GRIA1: variants seen among roughly 807,000 people sequenced by gnomAD.
The protein encoded by GRIA1 is glutamate ionotropic receptor AMPA type subunit 1, also known as glutamate receptor 1.
In GRIA1, 31 loss-of-function variants were observed where a neutral mutation model predicts 99.2. The ratio of observed to expected loss-of-function variants is 0.31; its 90% CI spans 0.23 to 0.42. GRIA1 has a LOEUF of 0.42. Ranked by LOEUF, GRIA1 falls within the 10% of genes least tolerant of loss-of-function variation. The pLI, the probability that GRIA1 is intolerant of heterozygous loss-of-function variation, is 1.00. For missense variants in GRIA1, 782 were observed against 1,157.5 expected (o/e 0.68, Z 4.71); for synonymous variants, 438 against 432.4 (o/e 1.01, Z -0.16).
chr5:153,792,085 C>T (rs1765335786), intron 13 of GRIA1, among the ~76,000 whole-genome samples: 1 of 152,134 alleles, frequency 6.6e-6, no homozygotes, highest in Admixed American at 6.5e-5. Context: ...TGAGCTAGAA[C>T]AGCACTGTAG....
intron 11 of GRIA1, among the ~76,000 whole-genome samples, chr5:153,750,947 AAAAT>A (rs1355076040): frequency 6.6e-6 from 1 of 152,144 alleles, no homozygotes; most frequent in East Asian, 1.9e-4. Flanking sequence ...AAGTACAAAA[AAAAT>A]TAGCTAGGCG....
chr5:153,624,607 C>T (rs1767402548), intron 2 of GRIA1, among the ~76,000 whole-genome samples: 1 of 152,186 alleles, frequency 6.6e-6, no homozygotes, highest in Non-Finnish European at 1.5e-5. Flanking sequence ...TCATGCTGAC[C>T]AGTGCTAAAT....
chr5:153,492,348 T>G, intron 1 of GRIA1: 1 of 1,500,404 alleles, frequency 6.7e-7, no homozygotes, highest in Non-Finnish European at 8.9e-7. Flanking sequence ...ACGCAAAACT[T>G]CCTGCCTTCA....
intron 2 of GRIA1, among the ~76,000 whole-genome samples, chr5:153,559,594 A>G (rs569452012): frequency 3.3e-5 from 5 of 152,294 alleles, no homozygotes; most frequent in Non-Finnish European, 7.4e-5. Context: ...ACATGACTGT[A>G]TGTGCTATAC....
intron 8 of GRIA1, among the ~76,000 whole-genome samples, chr5:153,688,509 C>G (rs1194664393): frequency 1.3e-5 from 2 of 152,136 alleles, no homozygotes; most frequent in Non-Finnish European, 1.5e-5. Flanking sequence ...TGCATTAGCG[C>G]CTGATCACTG....
intron 5 of GRIA1, among the ~76,000 whole-genome samples, chr5:153,657,192 A>C (rs1208962043): frequency 6.6e-6 from 1 of 152,184 alleles, no homozygotes; most frequent in Non-Finnish European, 1.5e-5. Flanking sequence ...TTTCACTTTA[A>C]TATATACCTA....
At chr5:153,494,809 A>T (rs553848332) in intron 2 of GRIA1, among the ~76,000 whole-genome samples, 3 of 152,374 alleles carry the variant, frequency 2.0e-5, no homozygotes, top group African/African-American at 7.2e-5. Flanking sequence ...AGATGAAAGC[A>T]TAAAAATTAA....
At chr5:153,806,992 C>G (rs908695294) in intron 15 of GRIA1, among the ~76,000 whole-genome samples, 1 of 152,222 alleles carries the variant, frequency 6.6e-6, no homozygotes, top group Non-Finnish European at 1.5e-5. Context: ...CCTCCTTCAA[C>G]CACATGGCAA....
intron 2 of GRIA1, among the ~76,000 whole-genome samples, chr5:153,565,298 G>A (rs991234231): frequency 2.0e-5 from 3 of 152,034 alleles, no homozygotes; most frequent in Admixed American, 6.6e-5. Flanking sequence ...CTCCCATGTC[G>A]TTATACTTCC....
At chr5:153,580,525 T>A (rs1762955090) in intron 2 of GRIA1, among the ~76,000 whole-genome samples, 1 of 152,198 alleles carries the variant, frequency 6.6e-6, no homozygotes, top group Non-Finnish European at 1.5e-5. Flanking sequence ...TAATCAAGTG[T>A]CTGCCTTAGA....
At chr5:153,605,842 G>A (rs1024235192) in intron 2 of GRIA1, among the ~76,000 whole-genome samples, 8 of 152,128 alleles carry the variant, frequency 5.3e-5, no homozygotes, top group Non-Finnish European at 8.8e-5. Context: ...TTCTAAATGT[G>A]AGCCTTCAGT....
At chr5:153,722,410 G>T (rs183208884) in intron 11 of GRIA1, among the ~76,000 whole-genome samples, 6 of 152,188 alleles carry the variant, frequency 3.9e-5, no homozygotes, top group Admixed American at 3.3e-4. Context: ...AAGTCATAAA[G>T]ATATTCTTTT....
At position 153,690,007 on chromosome 5, in the gene GRIA1, C is replaced by T. The variant is rs144798523; in HGVS notation, c.1134+3678C>T. On this transcript the variant is annotated intron_variant, in intron 8 of 15. Coordinates refer to ENST00000285900, the MANE Select transcript of GRIA1 (RefSeq NM_000827.4). ...CAAGAACTTCTCAGAAGTGGAGGCA[C>T]TGTAGCAAGATTAATGGTTCTCAAG... 9.4e-3 allele frequency among the ~76,000 whole-genome samples: 1,434 copies of T among 152,188 alleles called. 21 individuals carry two copies. Among genetic ancestry groups the T allele is most frequent in the African/African-American group, 0.033 (1,365 of 41,504 alleles).
At chr5:153,697,717 A>G (rs1457046093) in intron 8 of GRIA1, among the ~76,000 whole-genome samples, 3 of 152,166 alleles carry the variant, frequency 2.0e-5, no homozygotes, top group African/African-American at 7.2e-5. Context: ...CCCTGTGAAC[A>G]ACTGCAGGGA....
At chr5:153,635,912 C>T (rs1055038310) in intron 2 of GRIA1, among the ~76,000 whole-genome samples, 4 of 152,216 alleles carry the variant, frequency 2.6e-5, no homozygotes, top group African/African-American at 7.2e-5. Context: ...CCAAAGCTGG[C>T]CGGTGCTAAG....
intron 15 of GRIA1, 114 bp from the exon 16 acceptor site, chr5:153,810,911 A>C: frequency 1.3e-6 from 1 of 755,792 alleles, no homozygotes; most frequent in African/African-American, 1.7e-5. Flanking sequence ...AGAATAGGAA[A>C]GGGGGTGGAT....
intron 5 of GRIA1, among the ~76,000 whole-genome samples, chr5:153,656,947 A>G (rs1197948126): frequency 2.0e-5 from 3 of 152,224 alleles, no homozygotes; most frequent in African/African-American, 7.2e-5. Context: ...TATATGTGAA[A>G]TCATACAATA....
At chr5:153,621,648 A>G (rs189445730) in intron 2 of GRIA1, among the ~76,000 whole-genome samples, 1 of 152,288 alleles carries the variant, frequency 6.6e-6, no homozygotes, top group East Asian at 1.9e-4. Flanking sequence ...TGTCATTCAA[A>G]AAGAGATGCT....
At chr5:153,584,695 T>C (rs763587192) in intron 2 of GRIA1, among the ~76,000 whole-genome samples, 2 of 152,226 alleles carry the variant, frequency 1.3e-5, no homozygotes, top group Non-Finnish European at 2.9e-5. Context: ...CAGATGAGAA[T>C]GGAAATATGA....
Sources: allele counts gnomAD v4.1 joint callset (sites outside exome capture counted in the v4.1 genomes callset), GRCh38; gene constraint gnomAD v4.1.1; transcripts MANE v1.5; gene names NCBI Gene and HGNC (gene_info 2026-07-23, HGNC 2026-07-21).